Variants in RBL1 observed in about 807,000 individuals in gnomAD.
RBL1 encodes the protein RB transcriptional corepressor like 1, also known as retinoblastoma-like protein 1.
RBL1 carries 82 observed loss-of-function variants against 123.0 expected under a neutral mutation model. The observed-to-expected ratio is 0.67, with a 90% CI of 0.56 to 0.80. RBL1 has a LOEUF of 0.80. RBL1 is among the 30% of genes least tolerant of loss of function. The probability of loss-of-function intolerance (pLI) is 0.00; values close to 1 mark genes in which losing one functional copy is unlikely to be tolerated. For synonymous variants in RBL1, 405 were observed against 441.3 expected (o/e 0.92, Z 1.03); for missense variants, 1,171 against 1,299.6 (o/e 0.90, Z 1.52).
chr20:37,023,801 C>T (rs1304448587), intron 16 of RBL1, among the ~76,000 whole-genome samples: 2 of 112,548 alleles, frequency 1.8e-5, no homozygotes, highest in South Asian at 2.8e-4. Context: ...TTTTTTGAGA[C>T]GGAGTCTCAC....
intron 19 of RBL1, among the ~76,000 whole-genome samples, chr20:37,015,502 C>G (rs1188452152): frequency 4.0e-5 from 6 of 151,886 alleles, no homozygotes; most frequent in Non-Finnish European, 8.8e-5. Context: ...GCGATCTCCG[C>G]TCACTGCAAG....
chr20:37,050,105 A>T (rs961104244), intron 11 of RBL1, among the ~76,000 whole-genome samples: 8 of 152,052 alleles, frequency 5.3e-5, no homozygotes, highest in African/African-American at 1.9e-4. Context: ...ATGGAGAAAA[A>T]TTCAGGAGAA....
At chr20:37,001,918 T>TAAAAAAAAAAAAAAAAAAAAAAA (rs757774894) in intron 21 of RBL1, among the ~76,000 whole-genome samples, 2 of 86,544 alleles carry the variant, frequency 2.3e-5, no homozygotes, top group African/African-American at 4.4e-5. Flanking sequence ...TGCAGAACAA[T>TAAAAAAAAAAAAAAAAAAAAAAA]AAAAAAAAAA....
intron 2 of RBL1, among the ~76,000 whole-genome samples, chr20:37,083,911 ATTT>A (rs1256871744): frequency 7.1e-6 from 1 of 141,628 alleles, no homozygotes. Context: ...TTTTTAATGG[ATTT>A]TTTTTTTTTT....
At chr20:37,073,092 A>AC (rs2065307132) in intron 2 of RBL1, among the ~76,000 whole-genome samples, 1 of 152,078 alleles carries the variant, frequency 6.6e-6, no homozygotes, top group African/African-American at 2.4e-5. Flanking sequence ...AGTAGCTGGG[A>AC]CCACAGGTAT....
chr20:37,020,838 T>G (rs1479549670), intron 17 of RBL1, 108 bp from the exon 18 acceptor site: 1 of 682,598 alleles, frequency 1.5e-6, no homozygotes, highest in Non-Finnish European at 2.5e-6. Flanking sequence ...CAGAAAACCA[T>G]TAACCCCAGG....
chr20:37,005,522 A>G (rs544967450), intron 20 of RBL1, among the ~76,000 whole-genome samples: 1,594 of 152,324 alleles, frequency 0.01, 24 homozygotes, highest in African/African-American at 0.037. Context: ...AGAGAATAAA[A>G]GAGGCAGAGA....
In RBL1 at chr20:37,055,655, G is replaced by A; in HGVS notation, c.1365C>T (p.Asp455=). The change falls in exon 11 of 22, where the codon GAC becomes GAT. Residue 455 remains aspartate (D), a splice_region_variant and synonymous_variant. Transcript: ENST00000373664. ...CCAGCTTTAGTCTGTTTACAGCAAA[G>A]TCTATCAGGGAAATACAGAGAAAAC... is the stretch of plus-strand genomic sequence containing the variant. The part of the protein sequence containing the change: ...STDEQPGSHI[D]FAVNRLKLAE... 1.2e-6 allele frequency: 2 copies of A among 1,603,274 alleles called. No homozygotes were observed. Among genetic ancestry groups the A allele is most frequent in the East Asian group, 4.5e-5 (2 of 44,760 alleles).
At chr20:37,008,619 C>T (rs899252619) in intron 19 of RBL1, among the ~76,000 whole-genome samples, 28 of 152,214 alleles carry the variant, frequency 1.8e-4, no homozygotes, top group Non-Finnish European at 3.8e-4. Flanking sequence ...CTAAGAAAAC[C>T]ACTACCAATT....
intron 2 of RBL1, among the ~76,000 whole-genome samples, chr20:37,072,096 C>T (rs2154192): frequency 0.96 from 146,375 of 152,320 alleles, 70,568 homozygotes; most frequent in Non-Finnish European, 1. Context: ...TTCTTACCAA[C>T]AGCAGCAAAA....
intron 2 of RBL1, among the ~76,000 whole-genome samples, chr20:37,068,639 C>A (rs1043712295): frequency 6.6e-6 from 1 of 151,966 alleles, no homozygotes; most frequent in African/African-American, 2.4e-5. Context: ...ATGGAGGGAG[C>A]GAGAGCACCT....
intron 1 of RBL1, among the ~76,000 whole-genome samples, chr20:37,093,986 TAAG>T (rs2065689707): frequency 6.6e-6 from 1 of 151,960 alleles, no homozygotes; most frequent in Non-Finnish European, 1.5e-5. Context: ...AAAAAATAAA[TAAG>T]TAGAGCAAAC....
At position 36,997,343 on chromosome 20, in the gene RBL1, AAAAAGCATCCCTAATACTG is replaced by A. The variant is rs2063899065; in HGVS notation, c.*1397_*1415del. 2 of 152,018 alleles carry A rather than the reference AAAAAGCATCCCTAATACTG, an allele frequency of 1.3e-5. No individual in the cohort carries two copies. The highest frequency in any genetic ancestry group is 2.1e-4 in the South Asian group (1 of 4,822). 9.4% of individuals were successfully genotyped at this position (152,018 alleles called of 1,614,324 possible). A position where few individuals can be genotyped will look rare whatever the true frequency, so the allele number is the denominator to read the frequency against. ...CTCCCTAGTACATCCCTAGTACTGAAAAAAGCATCCCTAATACTGAAAAGCATCCCTAGTACTAAAAAAC... is the reference window on the plus strand; with the variant it reads ...CTCCCTAGTACATCCCTAGTACTGAAAAAAGCATCCCTAGTACTAAAAAAC... On this transcript the variant is annotated 3_prime_UTR_variant, in exon 22 of 22. Transcript: ENST00000373664.
intron 9 of RBL1, among the ~76,000 whole-genome samples, chr20:37,057,068 C>T (rs1193480932): frequency 6.7e-6 from 1 of 149,930 alleles, no homozygotes; most frequent in Non-Finnish European, 1.5e-5. Context: ...TATCTACACA[C>T]ACACACATAC....
chr20:37,002,838 C>T (rs1414185471), intron 21 of RBL1, among the ~76,000 whole-genome samples: 3 of 151,866 alleles, frequency 2.0e-5, no homozygotes, highest in Non-Finnish European at 4.4e-5. Flanking sequence ...CTGCCTCAGC[C>T]TCCACAGCAG....
chr20:37,000,159 G>A (rs2063943984), intron 21 of RBL1, among the ~76,000 whole-genome samples: 2 of 149,572 alleles, frequency 1.3e-5, no homozygotes, highest in South Asian at 4.3e-4. Context: ...TGAGAAGTGA[G>A]GAGACCCTCT....
chr20:37,000,769 C>CG (rs557315083), intron 21 of RBL1, among the ~76,000 whole-genome samples: 1,472 of 83,664 alleles, frequency 0.018, 14 homozygotes, highest in African/African-American at 0.067. Flanking sequence ...AGGAGGGAGG[C>CG]GGGGGGGTCA....
intron 21 of RBL1, among the ~76,000 whole-genome samples, chr20:37,001,195 GC>G (rs1477100952): frequency 1.4e-4 from 20 of 147,358 alleles, no homozygotes; most frequent in Admixed American, 1.3e-3. Flanking sequence ...GGCCGCCCCT[GC>G]CCGGCCGCCC....
At chr20:37,055,525 C>T (rs747725937) in intron 11 of RBL1, 28 bp downstream of exon 11, 7 of 1,613,666 alleles carry the variant, frequency 4.3e-6, no homozygotes, top group Middle Eastern at 1.7e-4. Flanking sequence ...TGGACCTTGC[C>T]AGTAGCTCAG....
Sources: allele counts gnomAD v4.1 joint callset (sites outside exome capture counted in the v4.1 genomes callset), GRCh38; gene constraint gnomAD v4.1.1; transcripts MANE v1.5; gene names NCBI Gene and HGNC (gene_info 2026-07-23, HGNC 2026-07-21).